RBFOX1: variants seen among roughly 807,000 people sequenced by gnomAD.
RBFOX1 encodes the protein RNA binding protein fox-1 homolog 1.
RBFOX1 carries 8 observed loss-of-function variants against 57.7 expected under a neutral mutation model. The ratio of observed to expected loss-of-function variants is 0.14; its 90% CI spans 0.08 to 0.25. RBFOX1 has a LOEUF of 0.25. Ranked by LOEUF, RBFOX1 falls within the 10% of genes least tolerant of loss-of-function variation. The pLI is 1.00. For synonymous variants in RBFOX1, 326 were observed against 222.4 expected (o/e 1.47, Z -4.15); for missense variants, 611 against 548.5 (o/e 1.11, Z -1.14).
chr16:6,446,495 G>A (rs1050037473), intron 2 of RBFOX1, among the ~76,000 whole-genome samples: 4 of 152,148 alleles, frequency 2.6e-5, no homozygotes, highest in Admixed American at 6.6e-5. Context: ...CAGGAGTTTG[G>A]AGTATGTTAT....
chr16:5,262,325 A>T (rs1267688267), intron 1 of RBFOX1, among the ~76,000 whole-genome samples: 2 of 152,230 alleles, frequency 1.3e-5, no homozygotes, highest in Admixed American at 6.5e-5. Flanking sequence ...GATGAGGATA[A>T]CATTTAATTG....
chr16:6,055,953 A>G (rs1487239779), intron 1 of RBFOX1, among the ~76,000 whole-genome samples: 1 of 152,182 alleles, frequency 6.6e-6, no homozygotes, highest in Non-Finnish European at 1.5e-5. Flanking sequence ...CTTTCCTAAT[A>G]TATGAAATAT....
At chr16:7,647,080 C>A (rs1248080210) in intron 11 of RBFOX1, among the ~76,000 whole-genome samples, 1 of 152,176 alleles carries the variant, frequency 6.6e-6, no homozygotes, top group East Asian at 1.9e-4. Flanking sequence ...ACCACCACAG[C>A]GTGCCTCTTG....
chr16:7,662,192 C>T (rs1192684907), intron 12 of RBFOX1, among the ~76,000 whole-genome samples: 1 of 152,168 alleles, frequency 6.6e-6, no homozygotes, highest in Non-Finnish European at 1.5e-5. Flanking sequence ...AGATGAGGTT[C>T]CACCATTGAG....
intron 4 of RBFOX1, among the ~76,000 whole-genome samples, chr16:7,352,894 T>C (rs549099973): frequency 6.6e-6 from 1 of 152,144 alleles, no homozygotes; most frequent in Admixed American, 6.5e-5. Flanking sequence ...TTTTGTATTT[T>C]TTGTAGAGAT....
intron 1 of RBFOX1, among the ~76,000 whole-genome samples, chr16:5,447,555 GC>G (rs1410330591): frequency 1.3e-5 from 2 of 151,954 alleles, no homozygotes; most frequent in African/African-American, 4.8e-5. Flanking sequence ...CCGCCACCAC[GC>G]CCCCCTAATT....
intron 4 of RBFOX1, among the ~76,000 whole-genome samples, chr16:7,328,010 T>C (rs1365460588): frequency 6.6e-6 from 1 of 152,102 alleles, no homozygotes; most frequent in East Asian, 1.9e-4. Context: ...TCCTTCTCTT[T>C]CATTGACGTC....
At chr16:7,478,748 C>G (rs528230556) in intron 4 of RBFOX1, among the ~76,000 whole-genome samples, 2 of 152,284 alleles carry the variant, frequency 1.3e-5, no homozygotes, top group African/African-American at 2.4e-5. Flanking sequence ...GAACCCAAAA[C>G]TGACTCCGCT....
At position 7,415,491 on chromosome 16, in the gene RBFOX1, A is replaced by T. The variant is rs900894904; in HGVS notation, c.28-102656A>T. ...CCAACCTATGGAGAAGGCAGACAGA[A>T]TGGCAATGTGGAATAAGCACAGGCC... is the stretch of plus-strand genomic sequence containing the variant. On this transcript the variant is annotated intron_variant, in intron 4 of 15. Transcript: ENST00000550418. Among the ~76,000 whole-genome samples, 8 of 152,224 alleles carry T rather than the reference A, an allele frequency of 5.3e-5. No homozygotes were observed. The South Asian group carries it at 8.3e-4, about 16-fold the overall frequency.
At chr16:5,616,608 CCTCTCTCTTCT>C (rs1343871046) in intron 3 of RBFOX1, among the ~76,000 whole-genome samples, 1 of 148,174 alleles carries the variant, frequency 6.7e-6, no homozygotes, top group Non-Finnish European at 1.5e-5. Context: ...CCTCCTCTTC[CCTCTCTCTTCT>C]CTCTCTCCCT....
intron 4 of RBFOX1, among the ~76,000 whole-genome samples, chr16:7,249,436 A>T (rs930890772): frequency 1.3e-5 from 2 of 152,178 alleles, no homozygotes; most frequent in African/African-American, 4.8e-5. Context: ...GGAGCTTTAT[A>T]CCAATTTTAC....
At chr16:5,525,572 A>C (rs976962766) in intron 2 of RBFOX1, among the ~76,000 whole-genome samples, 4 of 137,586 alleles carry the variant, frequency 2.9e-5, no homozygotes, top group African/African-American at 1.1e-4. Context: ...ATCTCAGCTC[A>C]CTGCATTCTC....
intron 4 of RBFOX1, among the ~76,000 whole-genome samples, chr16:5,940,305 C>G (rs755343396): frequency 2.6e-4 from 39 of 152,188 alleles, no homozygotes; most frequent in Non-Finnish European, 1.0e-4. Context: ...ACTAGATGGT[C>G]CCTAAAGCCT....
intron 3 of RBFOX1, among the ~76,000 whole-genome samples, chr16:6,852,183 G>A (rs1346489330): frequency 1.3e-5 from 2 of 152,126 alleles, no homozygotes. Flanking sequence ...CTGCAACCAA[G>A]GTTTTGATAG....
chr16:7,383,275 A>G (rs1048442815), intron 4 of RBFOX1, among the ~76,000 whole-genome samples: 2 of 152,050 alleles, frequency 1.3e-5, no homozygotes, highest in African/African-American at 2.4e-5. Flanking sequence ...ATTAAAAAAA[A>G]AAAAAACGTA....
intron 3 of RBFOX1, among the ~76,000 whole-genome samples, chr16:6,686,710 A>G (rs922198938): frequency 6.6e-6 from 1 of 152,158 alleles, no homozygotes; most frequent in Non-Finnish European, 1.5e-5. Flanking sequence ...CAATTGTGAG[A>G]CTAACCTTCC....
chr16:5,496,408 C>T (rs914296422), intron 2 of RBFOX1, among the ~76,000 whole-genome samples: 15 of 152,064 alleles, frequency 9.9e-5, no homozygotes, highest in African/African-American at 3.6e-4. Context: ...TTTTACATGC[C>T]CAGCTCCTTC....
rs529693615 is a variant in RBFOX1, at chr16:6,692,573, T to G, written c.-16+37923T>G. Reference sequence around the variant, plus strand: ...ACTTAAGTTGTTGATTCACCTACACTCTAGCAAAGCTGGAAAATTTTTGTT... The same window carrying G: ...ACTTAAGTTGTTGATTCACCTACACGCTAGCAAAGCTGGAAAATTTTTGTT... On this transcript the variant is annotated intron_variant, in intron 3 of 15. Coordinates refer to ENST00000550418, the MANE Select transcript of RBFOX1 (RefSeq NM_018723.4). 3.9e-5 allele frequency among the ~76,000 whole-genome samples: 6 copies of G among 152,154 alleles called. No homozygotes were observed. In the East Asian group the frequency reaches 1.2e-3, roughly 29 times the overall value.
chr16:5,764,991 C>G (rs758189045), intron 3 of RBFOX1, among the ~76,000 whole-genome samples: 1 of 152,144 alleles, frequency 6.6e-6, no homozygotes, highest in Non-Finnish European at 1.5e-5. Flanking sequence ...GCTGCAGGTG[C>G]TAGACCAAGT....
Sources: gnomAD v4.1 joint callset for allele counts (sites outside exome capture counted in the v4.1 genomes callset) on GRCh38, gnomAD v4.1.1 for gene constraint, MANE v1.5 for transcripts, NCBI Gene and HGNC (gene_info 2026-07-23, HGNC 2026-07-21) for gene names.